TGFB2: variants seen among roughly 807,000 people sequenced by gnomAD.
TGFB2 encodes transforming growth factor beta-2 proprotein.
A neutral mutation model predicts 42.7 loss-of-function variants in TGFB2; 13 were observed. The observed-to-expected ratio is 0.30, with a 90% CI of 0.20 to 0.48. The LOEUF is 0.48. TGFB2 is among the 20% of genes least tolerant of loss of function. TGFB2 has a pLI of 0.99. For synonymous variants in TGFB2, 193 were observed against 193.6 expected (o/e 1.00, Z 0.03); for missense variants, 390 against 517.5 (o/e 0.75, Z 2.39).
At chr1:218,362,793 G>C (rs2102545369) in intron 1 of TGFB2, among the ~76,000 whole-genome samples, 1 of 152,278 alleles carries the variant, frequency 6.6e-6, no homozygotes, top group East Asian at 1.9e-4. Flanking sequence ...ATTTCAGAGA[G>C]CTCTAGCTTT....
At chr1:218,420,641 G>C (rs1571888778) in intron 2 of TGFB2, among the ~76,000 whole-genome samples, 1 of 152,196 alleles carries the variant, frequency 6.6e-6, no homozygotes, top group South Asian at 2.1e-4. Flanking sequence ...TTGTGTGCGT[G>C]TATGTGTGTA....
intron 1 of TGFB2, among the ~76,000 whole-genome samples, chr1:218,402,754 G>T (rs11466394): frequency 2.0e-5 from 3 of 152,178 alleles, no homozygotes; most frequent in East Asian, 3.8e-4. Flanking sequence ...CAGGAAACAC[G>T]CTAAATTAGC....
intron 1 of TGFB2, among the ~76,000 whole-genome samples, chr1:218,383,175 G>T (rs1395415470): frequency 2.0e-5 from 3 of 152,172 alleles, no homozygotes; most frequent in Non-Finnish European, 4.4e-5. Context: ...TTTGTATTCT[G>T]CCCTTGGATA....
At chr1:218,417,375 A>T (rs1659316830) in intron 2 of TGFB2, among the ~76,000 whole-genome samples, 1 of 152,212 alleles carries the variant, frequency 6.6e-6, no homozygotes, top group Admixed American at 6.5e-5. Flanking sequence ...GGAACTTTGA[A>T]CTTGAGACAG....
intron 1 of TGFB2, chr1:218,363,402 C>T: frequency 6.2e-7 from 1 of 1,613,884 alleles, no homozygotes; most frequent in Non-Finnish European, 8.5e-7. Context: ...GTCCCAGGTG[C>T]TCTGTGGGTA....
chr1:218,398,915 C>G (rs956520197), intron 1 of TGFB2, among the ~76,000 whole-genome samples: 1 of 151,964 alleles, frequency 6.6e-6, no homozygotes, highest in Non-Finnish European at 1.5e-5. Context: ...ACAGGTCTCA[C>G]TCTGTTGCCC....
At chr1:218,404,104 G>T (rs1483405098) in intron 1 of TGFB2, among the ~76,000 whole-genome samples, 2 of 148,636 alleles carry the variant, frequency 1.3e-5, no homozygotes, top group Non-Finnish European at 3.0e-5. Context: ...CCAGGAGCTT[G>T]ATTGATTGAT....
At chr1:218,377,792 C>T (rs908990174) in intron 1 of TGFB2, among the ~76,000 whole-genome samples, 4 of 152,106 alleles carry the variant, frequency 2.6e-5, no homozygotes, top group African/African-American at 4.8e-5. Flanking sequence ...CCAAAGGATG[C>T]AGTCTGAGGT....
intron 6 of TGFB2, among the ~76,000 whole-genome samples, chr1:218,438,345 A>G (rs967420705): frequency 5.3e-5 from 8 of 152,224 alleles, no homozygotes; most frequent in African/African-American, 1.9e-4. Flanking sequence ...TATATTAGAA[A>G]GAACATTGGG....
intron 6 of TGFB2, among the ~76,000 whole-genome samples, chr1:218,440,715 G>A: frequency 6.6e-6 from 1 of 152,188 alleles, no homozygotes. Flanking sequence ...ACTTACTAGG[G>A]CCACAAGATA....
rs530761845 is a variant in TGFB2, at chr1:218,402,572, A to T, written c.347-2597A>T. On this transcript the variant is annotated intron_variant, in intron 1 of 6. Coordinates refer to ENST00000366930, the MANE Select transcript of TGFB2 (RefSeq NM_003238.6). ...AAAAATGGTCCAAAGTTTAATAAAC[A>T]CAAAAGAGATAAAAATAAATCTCAA... Among the ~76,000 whole-genome samples, 4 of 152,332 alleles carry T rather than the reference A, an allele frequency of 2.6e-5. No homozygotes were observed. In the South Asian group the frequency reaches 8.3e-4, roughly 32 times the overall value.
chr1:218,435,435 C>A (rs548566022), intron 4 of TGFB2, among the ~76,000 whole-genome samples: 1 of 152,300 alleles, frequency 6.6e-6, no homozygotes, highest in South Asian at 2.1e-4. Flanking sequence ...AAAGCCCTTT[C>A]TTCACAGCTT....
chr1:218,385,860 T>G (rs1420126660), intron 1 of TGFB2, among the ~76,000 whole-genome samples: 1 of 152,202 alleles, frequency 6.6e-6, no homozygotes, highest in Non-Finnish European at 1.5e-5. Flanking sequence ...TGCATTTTAT[T>G]TTGTTTTTAT....
chr1:218,378,148 GATTTATTTATTT>G (rs80153970), intron 1 of TGFB2, among the ~76,000 whole-genome samples: 28 of 148,504 alleles, frequency 1.9e-4, no homozygotes, highest in Middle Eastern at 3.6e-3. Flanking sequence ...GCTAATTTTG[GATTTATTTATTT>G]ATTTATTTAT....
intron 1 of TGFB2, among the ~76,000 whole-genome samples, chr1:218,367,103 TC>T (rs1269294587): frequency 6.6e-6 from 1 of 152,212 alleles, no homozygotes; most frequent in Admixed American, 6.5e-5. Context: ...GTTATGTATT[TC>T]TGCACTCAGA....
intron 1 of TGFB2, among the ~76,000 whole-genome samples, chr1:218,377,658 C>G (rs917798153): frequency 5.9e-5 from 9 of 151,994 alleles, no homozygotes; most frequent in African/African-American, 9.7e-5. Context: ...GGTCGCCTGC[C>G]CCTATGTTGT....
At chr1:218,396,458 C>G (rs1204566845) in intron 1 of TGFB2, among the ~76,000 whole-genome samples, 1 of 152,082 alleles carries the variant, frequency 6.6e-6, no homozygotes, top group African/African-American at 2.4e-5. Flanking sequence ...ACAGACTGCG[C>G]CTTGTGAGTA....
intron 1 of TGFB2, among the ~76,000 whole-genome samples, chr1:218,353,369 C>A (rs114954492): frequency 0.021 from 3,235 of 152,302 alleles, 48 homozygotes; most frequent in Non-Finnish European, 0.033. Context: ...ATGTCTGGCA[C>A]TATCCAGTTC....
chr1:218,377,135 G>A (rs1558234421), intron 1 of TGFB2, among the ~76,000 whole-genome samples: 1 of 152,176 alleles, frequency 6.6e-6, no homozygotes, highest in Non-Finnish European at 1.5e-5. Context: ...CTGGGCTCAA[G>A]GGATCCTCCT....
Sources: gnomAD v4.1 joint callset for allele counts (sites outside exome capture counted in the v4.1 genomes callset) on GRCh38, gnomAD v4.1.1 for gene constraint, MANE v1.5 for transcripts, NCBI Gene and HGNC (gene_info 2026-07-23, HGNC 2026-07-21) for gene names.